The following H4C15 variants were observed in gnomAD, a reference collection of about 807,000 sequenced individuals.
The protein encoded by H4C15 is H4 clustered histone 15.
At chr1:149,848,433 C>T in the H4C15 span, 12 of 152,328 alleles carry the variant, frequency 7.9e-5, no homozygotes, top group Non-Finnish European at 1.3e-4. Context: ...CCTGATTCTC[C>T]CACACTGTGT....
At chr1:149,848,245 T>C in the H4C15 span, 1 of 152,258 alleles carries the variant, frequency 6.6e-6, no homozygotes, top group African/African-American at 2.4e-5. Context: ...TAATTGACCC[T>C]ATTTGACTTG....
chr1:149,848,628 G>C, the H4C15 span: 2 of 152,208 alleles, frequency 1.3e-5, no homozygotes, highest in Admixed American at 6.5e-5. Flanking sequence ...GTTTGATCTA[G>C]ATTCCTGAAC....
chr1:149,849,721 A>T (rs781999667), downstream of H4C15, among the ~76,000 whole-genome samples: 3 of 152,234 alleles, frequency 2.0e-5, no homozygotes, highest in Non-Finnish European at 4.4e-5. Flanking sequence ...TATCTCAACT[A>T]GAAAGCGCAG....
downstream of H4C15, chr1:149,850,450 T>C: frequency 1.8e-6 from 2 of 1,133,732 alleles, no homozygotes; most frequent in South Asian, 1.3e-5. Context: ...ACGGCGTGCT[T>C]GGCCAGCTCG....
chr1:149,845,337 TAGC>T, the H4C15 span: 1 of 152,194 alleles, frequency 6.6e-6, no homozygotes, highest in African/African-American at 2.4e-5. Flanking sequence ...ACATTTTAAT[TAGC>T]AGATAAGTAA....
chr1:149,850,270 C>A (rs1174869749), downstream of H4C15: 4 of 1,312,674 alleles, frequency 3.0e-6, no homozygotes, highest in East Asian at 5.0e-5. Flanking sequence ...ACTGACAACA[C>A]AAGAAAGATT....
the H4C15 span, chr1:149,845,787 G>A: frequency 5.3e-5 from 8 of 152,168 alleles, no homozygotes; most frequent in African/African-American, 1.4e-4. Context: ...AGTAGTAGCC[G>A]AGATATTTTA....
the H4C15 span, chr1:149,844,679 T>C: frequency 1.5e-4 from 23 of 152,254 alleles, no homozygotes; most frequent in East Asian, 4.4e-3. Context: ...TTTTCTCTTA[T>C]GTACCTACAT....
At chr1:149,858,679 G>A (rs2092191633), downstream of H4C15, among the ~76,000 whole-genome samples, 1 of 95,274 alleles carries the variant, frequency 1.0e-5, no homozygotes, top group African/African-American at 5.4e-5. Flanking sequence ...GAGGGAGGGA[G>A]GGAAAGAAAG....
downstream of H4C15, chr1:149,850,741 G>A (rs1553757712): frequency 2.0e-5 from 5 of 249,394 alleles, no homozygotes; most frequent in Non-Finnish European, 3.5e-5. Context: ...AGCCCTTCTT[G>A]GGAGCCGGCG....
chr1:149,847,948 A>G, the H4C15 span: 6 of 152,238 alleles, frequency 3.9e-5, no homozygotes, highest in Non-Finnish European at 8.8e-5. Flanking sequence ...TGGAGAGAGC[A>G]TGGCCCTACC....
At chr1:149,846,039 T>C in the H4C15 span, 2 of 151,414 alleles carry the variant, frequency 1.3e-5, no homozygotes, top group Admixed American at 1.3e-4. Flanking sequence ...GAGAAGGGGG[T>C]TAGGTTTGTA....
At chr1:149,850,710 C>T, downstream of H4C15, 1 of 331,482 alleles carries the variant, frequency 3.0e-6, no homozygotes, top group Non-Finnish European at 5.1e-6. Context: ...TTCTTCTGGG[C>T]TTTGGTGACG....
At chr1:149,849,505 C>T (rs2092161350), downstream of H4C15, among the ~76,000 whole-genome samples, 1 of 152,152 alleles carries the variant, frequency 6.6e-6, no homozygotes, top group South Asian at 2.1e-4. Context: ...ATTCCAAGTC[C>T]AGTGTTCCCA....
chr1:149,846,229 C>T, the H4C15 span: 1 of 152,150 alleles, frequency 6.6e-6, no homozygotes. Context: ...ACTTCAGTTT[C>T]AGCCTTAGAA....
At chr1:149,848,568 CTGAG>C in the H4C15 span, 1 of 152,222 alleles carries the variant, frequency 6.6e-6, no homozygotes, top group African/African-American at 2.4e-5. Context: ...CACTCCCCTG[CTGAG>C]TTAGTTGTTA....
At chr1:149,844,721 C>T in the H4C15 span, 1 of 151,734 alleles carries the variant, frequency 6.6e-6, no homozygotes, top group South Asian at 2.1e-4. Flanking sequence ...CAGGATGACA[C>T]ACTTGCTGTC....
downstream of H4C15, chr1:149,850,324 G>C (rs1339128275): frequency 5.6e-6 from 7 of 1,244,886 alleles, no homozygotes; most frequent in Non-Finnish European, 8.1e-6. Flanking sequence ...AGCCTTTGGA[G>C]ACAAAGCAGC....
At chr1:149,844,635 C>G in the H4C15 span, 1 of 152,042 alleles carries the variant, frequency 6.6e-6, no homozygotes, top group Non-Finnish European at 1.5e-5. Flanking sequence ...AAGCATACTG[C>G]GGCGTCCTGG....
Sources: allele counts gnomAD v4.1 joint callset (sites outside exome capture counted in the v4.1 genomes callset), GRCh38; gene constraint gnomAD v4.1.1; transcripts MANE v1.5; gene names NCBI Gene and HGNC (gene_info 2026-07-23, HGNC 2026-07-21).